Variants in UBL3 observed in about 807,000 individuals in gnomAD.
UBL3 encodes ubiquitin-like protein 3.
In UBL3, 6 loss-of-function variants were observed where a neutral mutation model predicts 18.4. That is an observed-to-expected ratio of 0.33 (90% confidence interval 0.18 to 0.64). UBL3 has a LOEUF of 0.64. Ranked by LOEUF, UBL3 falls within the 30% of genes least tolerant of loss-of-function variation. The pLI, the probability that UBL3 is intolerant of heterozygous loss-of-function variation, is 0.76. For synonymous variants in UBL3, 49 were observed against 46.6 expected, an observed-to-expected ratio of 1.05 and a Z score of -0.21; for missense variants, 109 against 142.9, an observed-to-expected ratio of 0.76 and a Z score of 1.21.
chr13:29,769,822 C>T (rs1876792651), intron 3 of UBL3, among the ~76,000 whole-genome samples: 2 of 152,050 alleles, frequency 1.3e-5, no homozygotes, highest in South Asian at 2.1e-4. Context: ...AACATTTCAA[C>T]CTGAAACTTA....
At chr13:29,796,411 CAG>C (rs1358281064) in intron 1 of UBL3, among the ~76,000 whole-genome samples, 2 of 152,122 alleles carry the variant, frequency 1.3e-5, no homozygotes, top group African/African-American at 4.8e-5. Context: ...ATAAATTAAA[CAG>C]ATTCAATTTC....
intron 1 of UBL3, among the ~76,000 whole-genome samples, chr13:29,837,945 T>TAATAATAATAATAATAA (rs59372710): frequency 2.7e-5 from 4 of 149,678 alleles, no homozygotes; most frequent in South Asian, 2.1e-4. Flanking sequence ...ATAATAATAA[T>TAATAATAATAATAATAA]TTTAGCTAAT....
At chr13:29,802,273 G>A (rs970190863) in intron 1 of UBL3, among the ~76,000 whole-genome samples, 3 of 152,172 alleles carry the variant, frequency 2.0e-5, no homozygotes, top group African/African-American at 7.2e-5. Context: ...AAAAGGACAA[G>A]GCACAAAGCT....
chr13:29,808,862 C>T (rs900458596), intron 1 of UBL3, among the ~76,000 whole-genome samples: 8 of 152,016 alleles, frequency 5.3e-5, no homozygotes, highest in Non-Finnish European at 1.0e-4. Context: ...ATTCAATGAT[C>T]TCCCGTTGTG....
intron 1 of UBL3, among the ~76,000 whole-genome samples, chr13:29,810,897 A>T (rs963754160): frequency 5.3e-5 from 8 of 152,126 alleles, no homozygotes; most frequent in Non-Finnish European, 1.2e-4. Flanking sequence ...GCTCACTGTT[A>T]AAAATTATGA....
Position 29,849,789 on chromosome 13 carries a change from G to A in UBL3, c.-251C>T. The A allele has an allele frequency of 1.7e-6, 1 of 576,600 alleles. No individual in the cohort carries two copies. Among genetic ancestry groups the A allele is most frequent in the Non-Finnish European group, 3.1e-6 (1 of 326,010 alleles). The allele number at this position is 576,600 out of a possible 1,614,324, so 35.7% of individuals were successfully genotyped here. On this transcript the variant is annotated 5_prime_UTR_variant, in exon 1 of 5. In the 5' UTR this introduces an upstream ATG that the reference lacks. Coordinates refer to ENST00000380680, the MANE Select transcript of UBL3 (RefSeq NM_007106.4). ...CGGGACAGCAGAGGCAGCCCCCGTC[G>A]TCGTCGTCGTCGTCAACAGCAGCAG... is the stretch of plus-strand genomic sequence containing the variant.
chr13:29,784,175 C>T (rs1165581008), intron 1 of UBL3, among the ~76,000 whole-genome samples: 1 of 151,764 alleles, frequency 6.6e-6, no homozygotes, highest in South Asian at 2.1e-4. Flanking sequence ...ACATATAGAA[C>T]TTAGTTTATA....
At chr13:29,787,930 G>A (rs140342718) in intron 1 of UBL3, among the ~76,000 whole-genome samples, 1 of 152,270 alleles carries the variant, frequency 6.6e-6, no homozygotes, top group Admixed American at 6.5e-5. Context: ...ATTCATGATG[G>A]AGTTTCATGT....
chr13:29,813,692 T>C (rs1203089833), intron 1 of UBL3, among the ~76,000 whole-genome samples: 1 of 152,112 alleles, frequency 6.6e-6, no homozygotes, highest in Non-Finnish European at 1.5e-5. Flanking sequence ...TACTGCACCA[T>C]TTTATATCAC....
intron 1 of UBL3, among the ~76,000 whole-genome samples, chr13:29,805,898 C>T (rs954166517): frequency 7.2e-5 from 11 of 152,154 alleles, no homozygotes; most frequent in African/African-American, 9.7e-5. Flanking sequence ...ACCTTGTGGC[C>T]GGACATGGTG....
chr13:29,830,297 A>G (rs551802545), intron 1 of UBL3, among the ~76,000 whole-genome samples: 1 of 152,344 alleles, frequency 6.6e-6, no homozygotes, highest in South Asian at 2.1e-4. Context: ...CAAAAATATA[A>G]TAACAGGCTT....
At chr13:29,773,838 A>G (rs1231717126) in intron 2 of UBL3, among the ~76,000 whole-genome samples, 3 of 152,200 alleles carry the variant, frequency 2.0e-5, no homozygotes, top group Admixed American at 1.3e-4. Context: ...CCTGTTAGTA[A>G]TATTTCCACT....
chr13:29,847,894 T>C (rs1408942681), intron 1 of UBL3, among the ~76,000 whole-genome samples: 2 of 152,088 alleles, frequency 1.3e-5, no homozygotes, highest in East Asian at 3.9e-4. Context: ...CTATTTCATG[T>C]GTGCACACCA....
intron 1 of UBL3, among the ~76,000 whole-genome samples, chr13:29,779,816 T>C (rs574126371): frequency 5.6e-4 from 85 of 152,272 alleles, no homozygotes; most frequent in Admixed American, 8.5e-4. Flanking sequence ...CCCCAAAATC[T>C]GTATTGAAGT....
At chr13:29,798,808 G>T (rs979239421) in intron 1 of UBL3, among the ~76,000 whole-genome samples, 1 of 152,092 alleles carries the variant, frequency 6.6e-6, no homozygotes, top group Non-Finnish European at 1.5e-5. Flanking sequence ...CTCATCAAAC[G>T]TTATAATTTT....
intron 1 of UBL3, among the ~76,000 whole-genome samples, chr13:29,777,822 A>G (rs911867337): frequency 6.6e-6 from 1 of 152,154 alleles, no homozygotes; most frequent in African/African-American, 2.4e-5. Flanking sequence ...GCTGGAGTGT[A>G]GTGGTACAAT....
intron 1 of UBL3, among the ~76,000 whole-genome samples, chr13:29,791,592 G>T (rs1420600575): frequency 2.0e-5 from 3 of 152,068 alleles, no homozygotes; most frequent in African/African-American, 7.2e-5. Context: ...CTTTCTGATT[G>T]TTCTTGTTCG....
intron 1 of UBL3, among the ~76,000 whole-genome samples, chr13:29,778,679 A>C (rs1028937071): frequency 3.3e-5 from 5 of 152,202 alleles, no homozygotes; most frequent in Non-Finnish European, 7.3e-5. Context: ...TGCCTATTAC[A>C]GCAGTCACTG....
At chr13:29,815,283 G>A (rs1479796469) in intron 1 of UBL3, among the ~76,000 whole-genome samples, 1 of 152,072 alleles carries the variant, frequency 6.6e-6, no homozygotes, top group Non-Finnish European at 1.5e-5. Context: ...CGAGTTAGAT[G>A]AGTGGGAAAT....
Sources: gnomAD v4.1 joint callset for allele counts (sites outside exome capture counted in the v4.1 genomes callset) on GRCh38, gnomAD v4.1.1 for gene constraint, MANE v1.5 for transcripts, NCBI Gene and HGNC (gene_info 2026-07-23, HGNC 2026-07-21) for gene names.